The following MAP1LC3B variants were observed in gnomAD, a reference collection of about 807,000 sequenced individuals.
MAP1LC3B encodes microtubule associated protein 1 light chain 3 beta.
In MAP1LC3B, 12 loss-of-function variants were observed where a neutral mutation model predicts 16.7. The ratio of observed to expected loss-of-function variants is 0.72; its 90% CI spans 0.46 to 1.16. MAP1LC3B has a LOEUF of 1.16. Ranked by LOEUF, MAP1LC3B falls within the 50% of genes most tolerant of loss-of-function variation. MAP1LC3B has a pLI of 0.00. For missense variants in MAP1LC3B, 155 were observed against 159.5 expected, an observed-to-expected ratio of 0.97 and a Z score of 0.15; for synonymous variants, 63 against 56.5, an observed-to-expected ratio of 1.11 and a Z score of -0.51.
intron 1 of MAP1LC3B, among the ~76,000 whole-genome samples, chr16:87,397,765 A>T (rs1907856016): frequency 6.6e-6 from 1 of 152,030 alleles, no homozygotes; most frequent in Non-Finnish European, 1.5e-5. Flanking sequence ...TACCGTGAGA[A>T]TCAATCCTAC....
At chr16:87,393,904 C>T (rs1907705120) in intron 1 of MAP1LC3B, among the ~76,000 whole-genome samples, 1 of 152,170 alleles carries the variant, frequency 6.6e-6, no homozygotes, top group Non-Finnish European at 1.5e-5. Context: ...TAACTGGGAA[C>T]ATTTATGTAG....
chr16:87,395,851 CCTTTTT>C (rs1032437242), intron 1 of MAP1LC3B, among the ~76,000 whole-genome samples: 4 of 100,128 alleles, frequency 4.0e-5, no homozygotes, highest in Admixed American at 1.2e-4. Flanking sequence ...TTCCTTCTTT[CCTTTTT>C]TTTTTTTTTT....
intron 1 of MAP1LC3B, among the ~76,000 whole-genome samples, chr16:87,394,691 T>C (rs967493639): frequency 1.3e-5 from 2 of 152,190 alleles, no homozygotes; most frequent in African/African-American, 4.8e-5. Context: ...AGCCATCATT[T>C]CCAGTATATT....
chr16:87,402,279 T>A lies in MAP1LC3B; in HGVS notation c.201T>A (p.Ile67=). The change falls in exon 3 of 4, where the codon ATT becomes ATA. Residue 67 remains isoleucine (I), a splice_region_variant and synonymous_variant. Coordinates refer to ENST00000268607, the MANE Select transcript of MAP1LC3B (RefSeq NM_022818.5). ...ACATGAGTGAGCTCATCAAGATAAT[T>A]AGGTATTCAGTCACCTTTGTTTCAT... ...HVNMSELIKI[I]RRRLQLNANQ... 1 of 1,613,374 alleles carries A rather than the reference T, an allele frequency of 6.2e-7. No homozygotes were observed. The highest frequency in any genetic ancestry group is 1.7e-5 in the Admixed American group (1 of 59,930).
At chr16:87,402,033 C>T in intron 2 of MAP1LC3B, 142 bp from the exon 3 acceptor site, 1 of 658,028 alleles carries the variant, frequency 1.5e-6, no homozygotes, top group Non-Finnish European at 2.6e-6. Flanking sequence ...GATGGGGTTT[C>T]ACCATGTTAG....
intron 1 of MAP1LC3B, among the ~76,000 whole-genome samples, chr16:87,394,987 C>T (rs1260103907): frequency 7.4e-6 from 1 of 134,238 alleles, no homozygotes. Flanking sequence ...TCAAGTGATC[C>T]TCCCACCTTG....
chr16:87,394,225 A>C (rs147098992), intron 1 of MAP1LC3B, among the ~76,000 whole-genome samples: 2 of 152,016 alleles, frequency 1.3e-5, no homozygotes, highest in Non-Finnish European at 2.9e-5. Flanking sequence ...CTTTGTAGAA[A>C]TGTGTCAAAT....
intron 1 of MAP1LC3B, among the ~76,000 whole-genome samples, chr16:87,394,311 T>C (rs955887165): frequency 2.0e-5 from 3 of 152,160 alleles, no homozygotes; most frequent in African/African-American, 7.2e-5. Context: ...TCATGAATAT[T>C]TTGGTAATGT....
intron 1 of MAP1LC3B, among the ~76,000 whole-genome samples, chr16:87,398,167 C>T (rs1436906587): frequency 6.6e-6 from 1 of 152,078 alleles, no homozygotes; most frequent in Non-Finnish European, 1.5e-5. Flanking sequence ...GGATTACAGG[C>T]ATGTGCCATC....
intron 2 of MAP1LC3B, chr16:87,399,539 C>T: frequency 2.3e-6 from 1 of 443,708 alleles, no homozygotes; most frequent in Non-Finnish European, 4.5e-6. Flanking sequence ...TTTTTCTTTC[C>T]CAAAGAAGCA....
chr16:87,402,565 A>G, intron 3 of MAP1LC3B: 2 of 547,230 alleles, frequency 3.7e-6, no homozygotes, highest in Non-Finnish European at 6.4e-6. Context: ...TTATTAAGGT[A>G]TTGTACAGCA....
At chr16:87,401,955 C>G (rs1908008381) in intron 2 of MAP1LC3B, among the ~76,000 whole-genome samples, 1 of 152,128 alleles carries the variant, frequency 6.6e-6, no homozygotes, top group Admixed American at 6.5e-5. Flanking sequence ...GCCTCAGCCT[C>G]CTGAGTAGCT....
chr16:87,398,841 ATT>A lies in MAP1LC3B; in HGVS notation c.68_69del (p.Ile23ThrfsTer18). On this transcript the variant is annotated frameshift_variant, in exon 2 of 4. Transcript: ENST00000268607. LOFTEE classifies it high-confidence loss of function. ...FEQRVEDVRL[I>X]REQHPTKIPV... is the part of the protein sequence containing the mutation. Reference sequence around the variant, plus strand: ...ACAAAGAGTAGAAGATGTCCGACTTATTCGAGAGCAGCATCCAACCAAAATCC... The same window carrying A: ...ACAAAGAGTAGAAGATGTCCGACTTACGAGAGCAGCATCCAACCAAAATCC... The A allele has an allele frequency of 6.2e-7, 1 of 1,614,194 alleles. No individual in the cohort carries two copies. Among genetic ancestry groups the A allele is most frequent in the Non-Finnish European group, 8.5e-7 (1 of 1,179,998 alleles).
intron 1 of MAP1LC3B, among the ~76,000 whole-genome samples, chr16:87,396,419 G>C (rs1251256351): frequency 6.6e-6 from 1 of 151,050 alleles, no homozygotes; most frequent in Non-Finnish European, 1.5e-5. Context: ...AGCTTGCAGT[G>C]AGCAGAGATC....
At position 87,402,217 on chromosome 16, in the gene MAP1LC3B, C is replaced by G. The variant is rs1908019507; in HGVS notation, c.139C>G (p.Leu47Val). ...RYKGEKQLPV[L>V]DKTKFLVPDH... The stretch of plus-strand genomic sequence containing the variant: ...CAAGGGTGAGAAGCAGCTTCCTGTT[C>G]TGGATAAAACAAAGTTCCTTGTACC... Residue 47 changes from leucine (L) to valine (V), a missense_variant, in exon 3 of 4, where the codon CTG (leucine) becomes GTG (valine). Leu to Val is a conservative substitution (Grantham distance 32). Coordinates refer to ENST00000268607, the MANE Select transcript of MAP1LC3B (RefSeq NM_022818.5). 7 of 1,614,130 alleles carry G rather than the reference C, an allele frequency of 4.3e-6. No individual in the cohort carries two copies. The highest frequency in any genetic ancestry group is 2.2e-5 in the East Asian group (1 of 44,882).
rs1157724330 is a variant in MAP1LC3B, at chr16:87,404,140, T to C, written c.*1043T>C. 1.3e-5 allele frequency: 2 copies of C among 152,172 alleles called. No homozygotes were observed. The highest frequency in any genetic ancestry group is 2.9e-5 in the Non-Finnish European group (2 of 68,032). The allele number at this position is 152,172 out of a possible 1,614,324, so 9.4% of individuals were successfully genotyped here. On this transcript the variant is annotated 3_prime_UTR_variant, in exon 4 of 4. Coordinates refer to ENST00000268607, the MANE Select transcript of MAP1LC3B (RefSeq NM_022818.5). The stretch of plus-strand genomic sequence containing the variant: ...GCCATCAGAATTCTCCCACACCAAG[T>C]GCATGTCAGTTGTGGAGAAAACATA...
chr16:87,395,391 G>C (rs1280337891), intron 1 of MAP1LC3B, among the ~76,000 whole-genome samples: 1 of 152,198 alleles, frequency 6.6e-6, no homozygotes, highest in Non-Finnish European at 1.5e-5. Flanking sequence ...GACTGGAGCT[G>C]GGTCCTTGAC....
At chr16:87,401,484 G>A (rs1907990762) in intron 2 of MAP1LC3B, among the ~76,000 whole-genome samples, 1 of 152,244 alleles carries the variant, frequency 6.6e-6, no homozygotes, top group South Asian at 2.1e-4. Context: ...ATTTTGGCAT[G>A]TGCCAGTTAG....
intron 2 of MAP1LC3B, chr16:87,399,897 C>T (rs537786869): frequency 8.0e-5 from 18 of 225,970 alleles, no homozygotes; most frequent in African/African-American, 3.9e-4. Context: ...CCTCAGCCTC[C>T]TGAATAGCTG....
Sources: allele counts gnomAD v4.1 joint callset (sites outside exome capture counted in the v4.1 genomes callset), GRCh38; gene constraint gnomAD v4.1.1; transcripts MANE v1.5; gene names NCBI Gene and HGNC (gene_info 2026-07-23, HGNC 2026-07-21).